EDNRB: variants seen among roughly 807,000 people sequenced by gnomAD.
The protein encoded by EDNRB is endothelin receptor type B.
Under a neutral mutation model 46.4 loss-of-function variants are expected in EDNRB, and 18 were observed. The ratio of observed to expected loss-of-function variants is 0.39; its 90% CI spans 0.27 to 0.57. The LOEUF (loss-of-function observed/expected upper bound fraction) is 0.57. Among genes scored for constraint, EDNRB ranks in the 20% least tolerant of loss-of-function variants. The probability of loss-of-function intolerance (pLI) is 0.61; values close to 1 mark genes in which losing one functional copy is unlikely to be tolerated. For synonymous variants in EDNRB, 213 were observed against 204.9 expected, an observed-to-expected ratio of 1.04 and a Z score of -0.34; for missense variants, 434 against 537.5, an observed-to-expected ratio of 0.81 and a Z score of 1.90.
At chr13:77,942,512 C>G (rs1880783055) in intron 1 of EDNRB, among the ~76,000 whole-genome samples, 1 of 152,134 alleles carries the variant, frequency 6.6e-6, no homozygotes, top group African/African-American at 2.4e-5. Flanking sequence ...ATATGCCAAA[C>G]AGACTTTTCA....
chr13:77,951,977 C>T lies in EDNRB; in HGVS notation c.-52+23370G>A, dbSNP rs1023857283. Among the ~76,000 whole-genome samples, 7 of 152,180 alleles carry T rather than the reference C, an allele frequency of 4.6e-5. No homozygotes were observed. The South Asian group carries it at 6.2e-4, about 14-fold the overall frequency. On this transcript the variant is annotated intron_variant, in intron 1 of 7. Coordinates refer to the EDNRB transcript ENST00000646948. ...TGGTGGTTTGCCAGAAATATGTTACCGGACAACCCTACTTACCCAAAATTA... is the reference window on the plus strand; with the variant it reads ...TGGTGGTTTGCCAGAAATATGTTACTGGACAACCCTACTTACCCAAAATTA...
At chr13:77,923,488 C>A (rs561075183), upstream of EDNRB, among the ~76,000 whole-genome samples, 60 of 152,234 alleles carry the variant, frequency 3.9e-4, no homozygotes, top group African/African-American at 1.4e-3. Flanking sequence ...TATTCTTAGG[C>A]CACTCAGTAA....
Position 77,918,279 on chromosome 13 carries a change from TCTC to T in EDNRB, c.292_294del (p.Glu98del). 1 of 1,613,914 alleles carries T rather than the reference TCTC, an allele frequency of 6.2e-7. No homozygotes were observed. Among genetic ancestry groups the T allele is most frequent in the Non-Finnish European group, 8.5e-7 (1 of 1,179,964 alleles). Reference sequence around the variant, plus strand: ...ACAACCGTGTTGATGTATTTGAAAGTCTCCTTGATCTCGATGGGTCCTTGGCAC... The same window carrying T: ...ACAACCGTGTTGATGTATTTGAAAGTCTTGATCTCGATGGGTCCTTGGCAC... On this transcript the variant is annotated inframe_deletion, in exon 1 of 7. Coordinates refer to ENST00000646607, the MANE Select transcript of EDNRB (RefSeq NM_001122659.3). This position sits in a 1 kb window ranked among gnomAD's most constrained non-coding sequence, Gnocchi z 4.5.
intron 1 of EDNRB, among the ~76,000 whole-genome samples, chr13:77,973,168 C>T (rs1486455247): frequency 6.6e-6 from 1 of 152,026 alleles, no homozygotes; most frequent in African/African-American, 2.4e-5. Context: ...GTCCTTAGTG[C>T]CTTGTTACTG....
intron 1 of EDNRB, among the ~76,000 whole-genome samples, chr13:77,945,420 C>T (rs989875240): frequency 2.8e-4 from 42 of 152,258 alleles, no homozygotes; most frequent in African/African-American, 9.9e-4. Context: ...AGTCGTCATT[C>T]CCATTCTTAC....
At chr13:77,915,541 A>T (rs1455479992) in intron 1 of EDNRB, among the ~76,000 whole-genome samples, 3 of 152,204 alleles carry the variant, frequency 2.0e-5, no homozygotes, top group Admixed American at 6.5e-5. Context: ...TAGTGGTATG[A>T]CATTAGGCAA....
At chr13:77,966,700 A>T (rs1020617018) in intron 1 of EDNRB, among the ~76,000 whole-genome samples, 2 of 152,304 alleles carry the variant, frequency 1.3e-5, no homozygotes, top group East Asian at 3.9e-4. Context: ...TCTTTTGCGC[A>T]GTTACTCTTT....
chr13:77,926,942 G>A (rs1413351688), intron 1 of EDNRB, among the ~76,000 whole-genome samples: 3 of 152,194 alleles, frequency 2.0e-5, no homozygotes, highest in African/African-American at 7.2e-5. Flanking sequence ...GCAGAAACCT[G>A]TGATAAAACC....
intron 1 of EDNRB, among the ~76,000 whole-genome samples, chr13:77,970,605 T>A (rs73552439): frequency 0.17 from 26,308 of 151,928 alleles, 2,747 homozygotes; most frequent in East Asian, 0.54. Context: ...TTATTATTAT[T>A]TTGGCTAACA....
intron 6 of EDNRB, 113 bp from the exon 7 acceptor site, chr13:77,898,447 C>T (rs1878754968): frequency 7.0e-7 from 1 of 1,426,204 alleles, no homozygotes; most frequent in Admixed American, 2.0e-5. Flanking sequence ...TGGGCCCTTT[C>T]TTTCAGTGCT....
chr13:77,919,334 A>G (rs961572839), upstream of EDNRB: 1 of 1,537,502 alleles, frequency 6.5e-7, no homozygotes, highest in African/African-American at 1.4e-5. Flanking sequence ...AGTAAGCCAA[A>G]CCGAAGCCCC....
intron 6 of EDNRB, 57 bp from the exon 7 acceptor site, chr13:77,898,391 T>C (rs1225040792): frequency 6.2e-7 from 1 of 1,605,850 alleles, no homozygotes; most frequent in Non-Finnish European, 8.5e-7. Context: ...TCCCAACTCT[T>C]CCTCCTCTCC....
intron 1 of EDNRB, among the ~76,000 whole-genome samples, chr13:77,974,498 A>G (rs1020826926): frequency 3.3e-5 from 5 of 152,138 alleles, no homozygotes; most frequent in African/African-American, 1.2e-4. Context: ...AATACCTTCA[A>G]TTATCAATTA....
intron 1 of EDNRB, among the ~76,000 whole-genome samples, chr13:77,929,872 T>C (rs1230721110): frequency 6.6e-6 from 1 of 152,222 alleles, no homozygotes; most frequent in Non-Finnish European, 1.5e-5. Context: ...AATTCTATTA[T>C]GTTTGCAAAT....
At chr13:77,946,706 G>C (rs1375769320) in intron 1 of EDNRB, among the ~76,000 whole-genome samples, 2 of 151,858 alleles carry the variant, frequency 1.3e-5, no homozygotes, top group Non-Finnish European at 2.9e-5. Flanking sequence ...AGGAATTCAA[G>C]TGAGCATGTA....
chr13:77,910,055 C>A (rs138109297), intron 1 of EDNRB, among the ~76,000 whole-genome samples: 1 of 151,980 alleles, frequency 6.6e-6, no homozygotes, highest in Admixed American at 6.6e-5. Flanking sequence ...CAAAACAGAA[C>A]CTACTGTTTC....
At position 77,896,696 on chromosome 13, in the gene EDNRB, T is replaced by A. The variant is rs1878646719; in HGVS notation, c.*1504A>T. Reference sequence around the variant, plus strand: ...GGAACAAAATCAGGACCTTTTGCATTGATGTGACGAGGCAATGACGAACGT... The same window carrying A: ...GGAACAAAATCAGGACCTTTTGCATAGATGTGACGAGGCAATGACGAACGT... On this transcript the variant is annotated 3_prime_UTR_variant, in exon 7 of 7. Coordinates refer to ENST00000646607, the MANE Select transcript of EDNRB (RefSeq NM_001122659.3). 7.0e-6 allele frequency: 10 copies of A among 1,433,680 alleles called. No homozygotes were observed. The East Asian group carries it at 2.6e-4, about 38-fold the overall frequency. 88.8% of individuals were successfully genotyped at this position (1,433,680 alleles called of 1,614,324 possible). A position where few individuals can be genotyped will look rare whatever the true frequency, so the allele number is the denominator to read the frequency against.
chr13:77,920,598 CA>C (rs1453624252), upstream of EDNRB, among the ~76,000 whole-genome samples: 1 of 152,188 alleles, frequency 6.6e-6, no homozygotes, highest in African/African-American at 2.4e-5. Flanking sequence ...AGTAGAAAAT[CA>C]ATTTCTATTT....
chr13:77,973,175 A>G (rs1235258800), intron 1 of EDNRB, among the ~76,000 whole-genome samples: 1 of 152,188 alleles, frequency 6.6e-6, no homozygotes, highest in Non-Finnish European at 1.5e-5. Context: ...GTGCCTTGTT[A>G]CTGAGAAATT....
Sources: gnomAD v4.1 joint callset for allele counts (sites outside exome capture counted in the v4.1 genomes callset) on GRCh38, gnomAD v4.1.1 for gene constraint, Gnocchi (gnomAD v3.1) non-coding constraint, MANE v1.5 for transcripts, NCBI Gene and HGNC (gene_info 2026-07-23, HGNC 2026-07-21) for gene names.